The following HSP90AA1 variants were observed in gnomAD, a reference collection of about 807,000 sequenced individuals.
HSP90AA1 encodes the protein heat shock protein HSP 90-alpha.
A neutral mutation model predicts 73.3 loss-of-function variants in HSP90AA1; 18 were observed. The ratio of observed to expected loss-of-function variants is 0.25; its 90% confidence interval spans 0.17 to 0.36. The LOEUF (loss-of-function observed/expected upper bound fraction) is 0.36. Ranked by LOEUF, HSP90AA1 falls within the 10% of genes least tolerant of loss-of-function variation. HSP90AA1 has a pLI of 1.00. For synonymous variants in HSP90AA1, 477 were observed against 296.9 expected, an observed-to-expected ratio of 1.61 and a Z score of -6.24; for missense variants, 704 against 874.2, an observed-to-expected ratio of 0.81 and a Z score of 2.45.
rs147532243 is a variant in HSP90AA1 at position 102,139,326 on chromosome 14, C to T, written c.79G>A (p.Ala27Thr). 11 of 1,613,502 alleles carry T rather than the reference C, an allele frequency of 6.8e-6. No homozygotes were observed. In the African/African-American group the frequency reaches 9.3e-5, roughly 14 times the overall value. The change falls in exon 1 of 12, where the codon GCT (alanine) becomes ACT (threonine). Residue 27 changes from alanine (A) to threonine (T), a missense_variant. Physicochemically the swap from Ala to Thr is moderately conservative, Grantham distance 58. Coordinates refer to the HSP90AA1 transcript ENST00000334701. Reference sequence around the variant, plus strand: ...TCCAGACGGTCGCGCGGGTATTCAGCACTCTGGGCGGGACAGTCCCTGTCC... The same window carrying T: ...TCCAGACGGTCGCGCGGGTATTCAGTACTCTGGGCGGGACAGTCCCTGTCC...
Position 102,083,230 on chromosome 14 carries a change from T to C in HSP90AA1, c.1559A>G (p.Tyr520Cys), listed in dbSNP as rs372147275. The change falls in exon 9 of 11, where the codon TAT becomes TGT. Residue 520 changes from tyrosine (Y) to cysteine (C), a missense_variant. Physicochemically the swap from Tyr to Cys is radical, Grantham distance 194 (BLOSUM62 -2). Coordinates refer to ENST00000216281, the MANE Select transcript of HSP90AA1 (RefSeq NM_005348.4). ...GTACTCATCAATGGGCTCAATCATATAGATCACTTCTAAGCCATGTTTCCG... is the reference window on the plus strand; with the variant it reads ...GTACTCATCAATGGGCTCAATCATACAGATCACTTCTAAGCCATGTTTCCG... ...RLRKHGLEVI[Y>C]MIEPIDEYCV... 8.1e-6 allele frequency: 13 copies of C among 1,614,040 alleles called. No individual in the cohort carries two copies. Among genetic ancestry groups the C allele is most frequent in the Admixed American group, 3.3e-5 (2 of 59,992 alleles).
At position 102,085,627 on chromosome 14, in the gene HSP90AA1, G is replaced by GCA. The variant is rs2049211017; in HGVS notation, c.529+130_529+131insTG. 1.1e-5 allele frequency: 15 copies of GCA among 1,404,892 alleles called. No individual in the cohort carries two copies. In the East Asian group the frequency reaches 3.2e-4, roughly 30 times the overall value. The allele number at this position is 1,404,892 out of a possible 1,614,324, so 87.0% of individuals were successfully genotyped here. Reference sequence around the variant, plus strand: ...CAAGTCATGCCATTACACTAATTAAGTGCTCTAGCTTGTTCCTGATCGTTG... The same window carrying GCA: ...CAAGTCATGCCATTACACTAATTAAGCATGCTCTAGCTTGTTCCTGATCGTTG... On this transcript the variant is annotated intron_variant, in intron 3 of 10. Coordinates refer to ENST00000216281, the MANE Select transcript of HSP90AA1 (RefSeq NM_005348.4).
intron 1 of HSP90AA1, among the ~76,000 whole-genome samples, chr14:102,105,895 C>A (rs773369460): frequency 2.0e-5 from 3 of 152,084 alleles, no homozygotes; most frequent in African/African-American, 7.2e-5. Context: ...CATGGTGAAA[C>A]CCTGTCTCTA....
At chr14:102,113,932 G>C (rs927160374) in intron 1 of HSP90AA1, among the ~76,000 whole-genome samples, 1 of 152,034 alleles carries the variant, frequency 6.6e-6, no homozygotes, top group Admixed American at 6.6e-5. Context: ...GGATGGTCTC[G>C]ATCTCCTGAC....
intron 1 of HSP90AA1, among the ~76,000 whole-genome samples, chr14:102,108,597 G>A (rs1035291009): frequency 5.4e-5 from 8 of 147,568 alleles, no homozygotes; most frequent in African/African-American, 1.3e-4. Flanking sequence ...GTGCAATGGC[G>A]TGATCTTGGC....
chr14:102,095,850 G>A (rs1345388430), intron 2 of HSP90AA1, among the ~76,000 whole-genome samples: 6 of 151,988 alleles, frequency 3.9e-5, no homozygotes, highest in Non-Finnish European at 7.4e-5. Context: ...TTCCAGCTGG[G>A]TCTTGCTGGG....
chr14:102,082,430 G>A lies in HSP90AA1; in HGVS notation c.1770C>T (p.Asn590=). 2 of 1,611,940 alleles carry A rather than the reference G, an allele frequency of 1.2e-6. No homozygotes were observed. Among genetic ancestry groups the A allele is most frequent in the Non-Finnish European group, 1.7e-6 (2 of 1,179,676 alleles). ...EKKVEKVVVS[N]RLVTSPCCIV... ...TACAGCATGGAGATGTCACCAATCGGTTTGACACAACCACCTGTAATCAAA... is the reference window on the plus strand; with the variant it reads ...TACAGCATGGAGATGTCACCAATCGATTTGACACAACCACCTGTAATCAAA... The change falls in exon 10 of 11, where the codon AAC becomes AAT. Residue 590 remains asparagine, a synonymous_variant. Coordinates refer to ENST00000216281, the MANE Select transcript of HSP90AA1 (RefSeq NM_005348.4).
At chr14:102,128,328 C>T (rs1036058920) in intron 1 of HSP90AA1, among the ~76,000 whole-genome samples, 1 of 151,700 alleles carries the variant, frequency 6.6e-6, no homozygotes, top group African/African-American at 2.4e-5. Context: ...CCCGTCTCTA[C>T]CCAAAATACA....
At chr14:102,124,140 G>C (rs1186100236) in intron 1 of HSP90AA1, among the ~76,000 whole-genome samples, 2 of 150,174 alleles carry the variant, frequency 1.3e-5, no homozygotes, top group East Asian at 3.9e-4. Flanking sequence ...ACTTAAATTA[G>C]TTACTATTTG....
chr14:102,127,718 C>T (rs1391376541), intron 1 of HSP90AA1, among the ~76,000 whole-genome samples: 1 of 152,078 alleles, frequency 6.6e-6, no homozygotes, highest in Non-Finnish European at 1.5e-5. Context: ...GTGTTATGAA[C>T]ACAGCTCACT....
chr14:102,098,188 G>A (rs2049448781), intron 2 of HSP90AA1, among the ~76,000 whole-genome samples: 1 of 151,790 alleles, frequency 6.6e-6, no homozygotes, highest in African/African-American at 2.4e-5. Context: ...TTGAGACAGA[G>A]TCTCGCTCTG....
intron 1 of HSP90AA1, among the ~76,000 whole-genome samples, chr14:102,086,702 G>A (rs2049247776): frequency 6.6e-6 from 1 of 150,636 alleles, no homozygotes. Flanking sequence ...CAGCGGGGCC[G>A]GGCGGGGGAC....
At chr14:102,120,950 A>T (rs1487087246) in intron 1 of HSP90AA1, among the ~76,000 whole-genome samples, 1 of 151,728 alleles carries the variant, frequency 6.6e-6, no homozygotes, top group Non-Finnish European at 1.5e-5. Context: ...AAAAAAAAAA[A>T]TTTCTGCTTT....
chr14:102,098,976 G>C lies in HSP90AA1; in HGVS notation c.366+2899C>G, dbSNP rs556261713. 5.3e-5 allele frequency among the ~76,000 whole-genome samples: 8 copies of C among 152,316 alleles called. No homozygotes were observed. The East Asian group carries it at 1.4e-3, about 26-fold the overall frequency. Reference sequence around the variant, plus strand: ...TGGATTATTAAGTAGAGCTGAGCAAGAATGAGCTGAAACCTCCACACATTG... The same window carrying C: ...TGGATTATTAAGTAGAGCTGAGCAACAATGAGCTGAAACCTCCACACATTG... On this transcript the variant is annotated intron_variant, in intron 2 of 11. Coordinates refer to the HSP90AA1 transcript ENST00000334701.
rs138007209 is a variant in HSP90AA1, at chr14:102,098,312, C to A, written c.366+3563G>T. Among the ~76,000 whole-genome samples, 942 of 151,816 alleles carry A rather than the reference C, an allele frequency of 6.2e-3. 13 individuals are homozygous for A. The highest frequency in any genetic ancestry group is 0.022 in the African/African-American group (908 of 41,372). On this transcript the variant is annotated intron_variant, in intron 2 of 11. Transcript: ENST00000334701. ...GAGTAGCTGGGACTATAGGCGTCTG[C>A]CACCACGCCCGGCTAATTTTTGTAT...
In HSP90AA1 at chr14:102,084,177, T is replaced by C. The variant is rs551058274; in HGVS notation, c.1148-194A>G. On this transcript the variant is annotated intron_variant, in intron 6 of 10. Transcript: ENST00000216281. ...CTCTGCCTCCCGGGGGGGTTCAAGC[T>C]GTTTTCATGCCTCAGCCTGCCACTA... 76 of 681,812 alleles carry C rather than the reference T, an allele frequency of 1.1e-4. 1 individual carries two copies. The African/African-American group carries it at 1.3e-3, about 11-fold the overall frequency. 42.2% of individuals were successfully genotyped at this position (681,812 alleles called of 1,614,324 possible).
chr14:102,089,947 A>G (rs1220250523), upstream of HSP90AA1, among the ~76,000 whole-genome samples: 1 of 152,176 alleles, frequency 6.6e-6, no homozygotes, highest in East Asian at 1.9e-4. Flanking sequence ...TCCAAACTGT[A>G]GCCAGGGTGA....
At chr14:102,101,700 C>A (rs1285016481) in intron 2 of HSP90AA1, among the ~76,000 whole-genome samples, 1 of 152,164 alleles carries the variant, frequency 6.6e-6, no homozygotes, top group Non-Finnish European at 1.5e-5. Flanking sequence ...ATTGCCTGGG[C>A]CTGTAGTGGA....
chr14:102,082,162 C>G lies in HSP90AA1; in HGVS notation c.2038G>C (p.Asp680His). 1 of 1,613,850 alleles carries G rather than the reference C, an allele frequency of 6.2e-7. No homozygotes were observed. The highest frequency in any genetic ancestry group is 1.7e-5 in the Admixed American group (1 of 60,016). Residue 680 changes from aspartate to histidine, a missense_variant, in exon 10 of 11, where the codon GAT (aspartate) becomes CAT (histidine). Transcript: ENST00000216281. ...ATCCTGTTAGCATGTGTCTGGGGAT[C>G]TTCCAGACTGAAGCCAGAAGACAGG... ...ALLSSGFSLEDPQTHANRIYR... is the reference protein window; with the variant it reads ...ALLSSGFSLEHPQTHANRIYR...
Sources: allele counts gnomAD v4.1 joint callset (sites outside exome capture counted in the v4.1 genomes callset), GRCh38; gene constraint gnomAD v4.1.1; transcripts MANE v1.5; gene names NCBI Gene and HGNC (gene_info 2026-07-23, HGNC 2026-07-21).